PTPRZ1: variants seen among roughly 807,000 people sequenced by gnomAD.
PTPRZ1 encodes protein tyrosine phosphatase receptor type Z1.
Under a neutral mutation model 214.1 loss-of-function variants are expected in PTPRZ1, and 82 were observed. The ratio of observed to expected loss-of-function variants is 0.38; its 90% CI spans 0.32 to 0.46. The LOEUF (loss-of-function observed/expected upper bound fraction) is 0.46. Ranked by LOEUF, PTPRZ1 falls within the 20% of genes least tolerant of loss-of-function variation. PTPRZ1 has a pLI of 1.00. For missense variants in PTPRZ1, 2,603 were observed against 2,748.7 expected (o/e 0.95, Z 1.19); for synonymous variants, 945 against 987.9 (o/e 0.96, Z 0.81).
chr7:121,890,310 G>C (rs763708183), intron 1 of PTPRZ1, among the ~76,000 whole-genome samples: 9 of 152,096 alleles, frequency 5.9e-5, no homozygotes, highest in Non-Finnish European at 1.2e-4. Flanking sequence ...CAGTTGTTTA[G>C]GACAAAAACC....
intron 2 of PTPRZ1, among the ~76,000 whole-genome samples, chr7:121,940,669 TG>T (rs1796212245): frequency 6.6e-6 from 1 of 152,196 alleles, no homozygotes; most frequent in East Asian, 1.9e-4. Context: ...GCATATAAAG[TG>T]CTCAATAAAA....
At position 122,012,892 on chromosome 7, in the gene PTPRZ1, G is replaced by C. The variant is rs150646126; in HGVS notation, c.3846G>C (p.Val1282=). The change falls in exon 12 of 30, where the codon GTG becomes GTC. Residue 1282 remains valine (V), a synonymous_variant. Coordinates refer to ENST00000393386, the MANE Select transcript of PTPRZ1 (RefSeq NM_002851.3). ...VLLKSESSHQ[V]VPSLYSNDEL... ...TAAAAAGTGAAAGTTCCCACCAAGT[G>C]GTACCTTCTTTGTACAGTAATGATG... 8 of 1,613,950 alleles carry C rather than the reference G, an allele frequency of 5.0e-6. No homozygotes were observed. In the African/African-American group the frequency reaches 5.3e-5, roughly 11 times the overall value.
At chr7:122,055,304 C>T (rs1192291515) in intron 27 of PTPRZ1, among the ~76,000 whole-genome samples, 1 of 151,902 alleles carries the variant, frequency 6.6e-6, no homozygotes, top group African/African-American at 2.4e-5. Flanking sequence ...GAATTTTACA[C>T]ACACAGGAAA....
At chr7:121,912,681 CTG>C (rs921393105) in intron 1 of PTPRZ1, among the ~76,000 whole-genome samples, 1 of 152,082 alleles carries the variant, frequency 6.6e-6, no homozygotes, top group Non-Finnish European at 1.5e-5. Context: ...CCAGAAAATC[CTG>C]GAGAAGGTAG....
In PTPRZ1 at chr7:122,013,550, C is replaced by T; in HGVS notation, c.4504C>T (p.Pro1502Ser). ...SDSQTGMDRSPGKSPSANGLS... is the reference protein window; with the variant it reads ...SDSQTGMDRSSGKSPSANGLS... ...CAGTCAAACTGGTATGGACAGAAGT[C>T]CTGGTAAATCACCATCAGCAAATGG... is the stretch of plus-strand genomic sequence containing the variant. The change falls in exon 12 of 30, where the codon CCT (proline) becomes TCT (serine). Residue 1502 changes from proline (P) to serine (S), a missense_variant. Pro to Ser is a moderately conservative substitution (Grantham distance 74, BLOSUM62 -1). Coordinates refer to ENST00000393386, the MANE Select transcript of PTPRZ1 (RefSeq NM_002851.3). The T allele has an allele frequency of 6.2e-7, 1 of 1,614,100 alleles. No homozygotes were observed. Among genetic ancestry groups the T allele is most frequent in the South Asian group, 1.1e-5 (1 of 91,074 alleles).
chr7:121,925,981 C>T (rs1206502), intron 1 of PTPRZ1, among the ~76,000 whole-genome samples: 103,981 of 151,966 alleles, frequency 0.68, 37,171 homozygotes, highest in African/African-American at 0.9. Context: ...CAAGTGGCTA[C>T]TAAAAAGATT....
intron 1 of PTPRZ1, among the ~76,000 whole-genome samples, chr7:121,910,700 G>A (rs1795246930): frequency 6.6e-6 from 1 of 152,140 alleles, no homozygotes; most frequent in Non-Finnish European, 1.5e-5. Context: ...AAGTTAGGAG[G>A]CAAATGCATT....
At chr7:121,913,726 G>T (rs1795341565) in intron 1 of PTPRZ1, among the ~76,000 whole-genome samples, 1 of 143,148 alleles carries the variant, frequency 7.0e-6, no homozygotes, top group African/African-American at 2.5e-5. Flanking sequence ...AGGTATGGGG[G>T]AAAGTTTTCT....
chr7:121,901,377 TA>T, intron 1 of PTPRZ1, among the ~76,000 whole-genome samples: 1 of 152,314 alleles, frequency 6.6e-6, no homozygotes, highest in Non-Finnish European at 1.5e-5. Flanking sequence ...TGTATTTTGT[TA>T]AAATGGCCTT....
intron 2 of PTPRZ1, among the ~76,000 whole-genome samples, chr7:121,951,276 TAC>T (rs1796533881): frequency 6.6e-6 from 1 of 152,206 alleles, no homozygotes; most frequent in Non-Finnish European, 1.5e-5. Context: ...CTGAGAGAGA[TAC>T]AACCTCATTG....
In PTPRZ1 at chr7:122,039,597, A is replaced by T. The variant is rs759968605; in HGVS notation, c.5637+9A>T. 1 of 1,612,766 alleles carries T rather than the reference A, an allele frequency of 6.2e-7. No homozygotes were observed. The highest frequency in any genetic ancestry group is 2.2e-5 in the East Asian group (1 of 44,856). ...ACACAAAAATAAAAAAGGTGAGTCA[A>T]CAAAATGATGGGCATAATCAAGTGA... On this transcript the variant is annotated intron_variant, in intron 20 of 29. Coordinates refer to ENST00000393386, the MANE Select transcript of PTPRZ1 (RefSeq NM_002851.3).
chr7:121,941,669 T>A (rs1796242859), intron 2 of PTPRZ1, among the ~76,000 whole-genome samples: 1 of 152,190 alleles, frequency 6.6e-6, no homozygotes. Context: ...TAAGAGATTG[T>A]TTTTGCATCA....
intron 8 of PTPRZ1, among the ~76,000 whole-genome samples, 168 bp downstream of exon 8, chr7:121,984,285 C>G (rs1482305082): frequency 6.6e-6 from 1 of 152,134 alleles, no homozygotes; most frequent in Non-Finnish European, 1.5e-5. Flanking sequence ...GATACCACAT[C>G]TATAAAATGG....
intron 1 of PTPRZ1, among the ~76,000 whole-genome samples, chr7:121,892,679 CATATATATATATATATATATATAT>C (rs58030102): frequency 2.0e-3 from 198 of 98,218 alleles, no homozygotes; most frequent in Admixed American, 4.1e-3. Context: ...TCAAGCATCT[CATATATATATATATATATATATAT>C]ATATATATAT....
intron 2 of PTPRZ1, among the ~76,000 whole-genome samples, chr7:121,955,730 A>G (rs1796686098): frequency 6.6e-6 from 1 of 152,188 alleles, no homozygotes; most frequent in East Asian, 1.9e-4. Flanking sequence ...AGGTCATAAC[A>G]TTAGTCACAG....
intron 27 of PTPRZ1, among the ~76,000 whole-genome samples, chr7:122,058,067 G>A (rs1023259701): frequency 1.3e-5 from 2 of 151,302 alleles, no homozygotes; most frequent in African/African-American, 4.9e-5. Context: ...AGCCACAATG[G>A]CAGTGTTTTA....
intron 2 of PTPRZ1, among the ~76,000 whole-genome samples, chr7:121,948,369 G>A (rs751891862): frequency 3.3e-5 from 5 of 152,076 alleles, no homozygotes; most frequent in Admixed American, 1.3e-4. Context: ...TTATCCTAGC[G>A]CTCTGGGAGG....
chr7:121,891,776 A>G (rs993972123), intron 1 of PTPRZ1, among the ~76,000 whole-genome samples: 2 of 151,838 alleles, frequency 1.3e-5, no homozygotes, highest in African/African-American at 4.8e-5. Flanking sequence ...CTTTGCATTT[A>G]TCGTTTCTAG....
rs1376363311 is a variant in PTPRZ1 at position 122,034,265 on chromosome 7, C to T, written c.5188-17C>T. ...AAAGAATGTGTGTTAAAATGATTTA[C>T]ATATAATTTTTTACAGGAAGTGCAG... On this transcript the variant is annotated splice_polypyrimidine_tract_variant and intron_variant, in intron 16 of 29. Transcript: ENST00000393386. The T allele has an allele frequency of 5.6e-6, 9 of 1,605,646 alleles. No individual in the cohort carries two copies. In the Admixed American group the frequency reaches 1.3e-4, roughly 24 times the overall value.
Sources: allele counts gnomAD v4.1 joint callset (sites outside exome capture counted in the v4.1 genomes callset), GRCh38; gene constraint gnomAD v4.1.1; transcripts MANE v1.5; gene names NCBI Gene and HGNC (gene_info 2026-07-23, HGNC 2026-07-21).